KIF11: variants seen among roughly 807,000 people sequenced by gnomAD.
KIF11 encodes the protein kinesin family member 11.
A neutral mutation model predicts 121.0 loss-of-function variants in KIF11; 9 were observed. The observed-to-expected ratio is 0.07, with a 90% CI of 0.04 to 0.13. The LOEUF is 0.13. Among genes scored for constraint, KIF11 ranks in the 10% least tolerant of loss-of-function variants. The pLI, the probability that KIF11 is intolerant of heterozygous loss-of-function variation, is 1.00. For synonymous variants in KIF11, 408 were observed against 421.0 expected (o/e 0.97, Z 0.38); for missense variants, 846 against 1,217.5 (o/e 0.69, Z 4.54).
chr10:92,646,133 T>C (rs891470341), intron 18 of KIF11, among the ~76,000 whole-genome samples: 6 of 152,038 alleles, frequency 3.9e-5, no homozygotes, highest in African/African-American at 1.4e-4. Context: ...TTTGTATTTT[T>C]AGTAGAGATG....
intron 18 of KIF11, among the ~76,000 whole-genome samples, chr10:92,647,766 G>T (rs1485785058): frequency 2.6e-5 from 4 of 152,116 alleles, no homozygotes; most frequent in African/African-American, 9.7e-5. Flanking sequence ...GCTGGGTAAT[G>T]AATACAAGGG....
chr10:92,652,346 G>C (rs544036257), intron 21 of KIF11, among the ~76,000 whole-genome samples: 4 of 152,158 alleles, frequency 2.6e-5, no homozygotes, highest in Non-Finnish European at 4.4e-5. Context: ...CTCCATGTTG[G>C]TCAGGCTAAT....
chr10:92,644,396 A>G (rs1470130678), intron 17 of KIF11, among the ~76,000 whole-genome samples: 1 of 151,950 alleles, frequency 6.6e-6, no homozygotes, highest in East Asian at 1.9e-4. Context: ...GCTCACTGCA[A>G]CCTCTGCCTC....
At chr10:92,640,556 C>T (rs938463356) in intron 17 of KIF11, among the ~76,000 whole-genome samples, 14 of 152,260 alleles carry the variant, frequency 9.2e-5, no homozygotes, top group African/African-American at 2.6e-4. Context: ...CTCAGCCTCC[C>T]GAGTAGCTGG....
At chr10:92,640,663 C>T (rs1844855316) in intron 17 of KIF11, among the ~76,000 whole-genome samples, 1 of 152,064 alleles carries the variant, frequency 6.6e-6, no homozygotes, top group Admixed American at 6.6e-5. Context: ...ATCTCCTGAC[C>T]TCGTGATCCG....
intron 8 of KIF11, among the ~76,000 whole-genome samples, chr10:92,615,932 C>T (rs115476639): frequency 0.035 from 5,260 of 151,030 alleles, 346 homozygotes; most frequent in African/African-American, 0.12. Flanking sequence ...CTTCGCCACC[C>T]GGGTTCAAGT....
At chr10:92,647,206 A>G (rs75397379) in intron 18 of KIF11, among the ~76,000 whole-genome samples, 5,154 of 152,290 alleles carry the variant, frequency 0.034, 137 homozygotes, top group Admixed American at 0.06. Flanking sequence ...CAGTTGACCA[A>G]ATCCAGAATT....
At position 92,637,032 on chromosome 10, in the gene KIF11, C is replaced by CAA. The variant is rs66987236; in HGVS notation, c.1876-132_1876-131dup. On this transcript the variant is annotated intron_variant, in intron 14 of 21. Transcript: ENST00000260731. ...TGGGTGACAGAATGAGACTCCGTCTCAAAAAAAAAAAAAAAAAAAAAGAAT... is the reference window on the plus strand; with the variant it reads ...TGGGTGACAGAATGAGACTCCGTCTCAAAAAAAAAAAAAAAAAAAAAAAGAAT... 2,209 of 373,324 alleles carry CAA rather than the reference C, an allele frequency of 5.9e-3. 17 individuals carry two copies. Among genetic ancestry groups the CAA allele is most frequent in the African/African-American group, 0.019 (569 of 30,710 alleles). 23.1% of individuals were successfully genotyped at this position (373,324 alleles called of 1,614,324 possible).
intron 19 of KIF11, among the ~76,000 whole-genome samples, 186 bp from the exon 20 acceptor site, chr10:92,649,649 G>A (rs1175455959): frequency 7.9e-5 from 12 of 152,102 alleles, no homozygotes; most frequent in Non-Finnish European, 1.3e-4. Context: ...AGTAAAGTCT[G>A]TCATCAAATT....
At chr10:92,616,048 A>C (rs925754238) in intron 8 of KIF11, among the ~76,000 whole-genome samples, 1 of 151,988 alleles carries the variant, frequency 6.6e-6, no homozygotes, top group Non-Finnish European at 1.5e-5. Flanking sequence ...CATGTTGGCC[A>C]GGCTGGTCTC....
At chr10:92,621,526 G>A in intron 10 of KIF11, 53 bp downstream of exon 10, 1 of 1,089,428 alleles carries the variant, frequency 9.2e-7, no homozygotes, top group Middle Eastern at 2.0e-4. Context: ...TCTGATAACA[G>A]GCTATTTGAA....
At position 92,637,387 on chromosome 10, in the gene KIF11, A is replaced by T; in HGVS notation, c.2002A>T (p.Ile668Leu). Reference protein sequence around the residue: ...FKTSLTVADKIEDQKKELDGF... With the variant: ...FKTSLTVADKLEDQKKELDGF... Reference sequence around the variant, plus strand: ...GAAACTCATTTTTGTTTCTTCAAAGATAGAAGATCAAAAAAAGGAACTAGA... The same window carrying T: ...GAAACTCATTTTTGTTTCTTCAAAGTTAGAAGATCAAAAAAAGGAACTAGA... Residue 668 changes from isoleucine to leucine, a missense_variant and splice_region_variant, in exon 16 of 22, where the codon ATA (isoleucine) becomes TTA (leucine). Around this residue, in one of 5 missense-constraint regions of KIF11, gnomAD observed 492 missense variants for 603.4 expected, o/e 0.82. Transcript: ENST00000260731. 6.3e-7 allele frequency: 1 copy of T among 1,579,408 alleles called. No individual in the cohort carries two copies. Among genetic ancestry groups the T allele is most frequent in the Non-Finnish European group, 8.5e-7 (1 of 1,171,760 alleles).
rs750616800 is a variant in KIF11, at chr10:92,613,657, G to A, written c.1032+38G>A. Reference sequence around the variant, plus strand: ...AAAGGAAGCTGCAAGTGTAGTAGCTGTAATTCTTATTTGGCTATTATATAT... The same window carrying A: ...AAAGGAAGCTGCAAGTGTAGTAGCTATAATTCTTATTTGGCTATTATATAT... On this transcript the variant is annotated intron_variant, in intron 8 of 21. Transcript: ENST00000260731. The surrounding 1 kb of genome is among the most constrained non-coding windows in gnomAD (Gnocchi z 4.2). 1.3e-6 allele frequency: 2 copies of A among 1,560,820 alleles called. No homozygotes were observed. Among genetic ancestry groups the A allele is most frequent in the Non-Finnish European group, 1.7e-6 (2 of 1,152,906 alleles).
chr10:92,605,777 C>T (rs1412920876), intron 1 of KIF11, among the ~76,000 whole-genome samples: 3 of 152,112 alleles, frequency 2.0e-5, no homozygotes, highest in Admixed American at 6.6e-5. Flanking sequence ...TGAGCCACTG[C>T]GCCCAGCCTT....
chr10:92,624,818 G>A (rs1844655231), intron 10 of KIF11, among the ~76,000 whole-genome samples: 1 of 150,294 alleles, frequency 6.7e-6, no homozygotes, highest in Admixed American at 6.6e-5. Flanking sequence ...TGTCCAGGGT[G>A]GACTGCAGTG....
chr10:92,634,037 G>A (rs1037592607), intron 14 of KIF11, among the ~76,000 whole-genome samples: 2 of 152,142 alleles, frequency 1.3e-5, no homozygotes, highest in African/African-American at 4.8e-5. Context: ...GTCCAGGAGT[G>A]CAGTGGCGTG....
intron 18 of KIF11, 104 bp from the exon 19 acceptor site, chr10:92,648,108 C>CAAAAAAAAAAA (rs34357393): frequency 7.1e-5 from 49 of 685,352 alleles, no homozygotes; most frequent in African/African-American, 3.7e-4. Flanking sequence ...GACTTGTCTC[C>CAAAAAAAAAAA]AAAAAAAAAA....
rs776130976 is a variant in KIF11 at position 92,649,853 on chromosome 10, A to G, written c.2789A>G (p.Lys930Arg). ...GTTAAAGGTACGACACCACAGAGGA[A>G]AAGTTATTTATACCCATCAACACTG... ...DIPTGTTPQR[K>R]SYLYPSTLVR... The change falls in exon 20 of 22, where the codon AAA becomes AGA. Residue 930 changes from lysine (K) to arginine (R), a missense_variant. Lys to Arg is a conservative substitution (Grantham distance 26). This residue lies in a region of KIF11 where 492 missense variants were observed against 603.4 expected (regional missense o/e 0.82). Coordinates refer to ENST00000260731, the MANE Select transcript of KIF11 (RefSeq NM_004523.4). 9 of 1,609,538 alleles carry G rather than the reference A, an allele frequency of 5.6e-6. No homozygotes were observed. Among genetic ancestry groups the G allele is most frequent in the Non-Finnish European group, 2.5e-6 (3 of 1,176,812 alleles).
At position 92,628,791 on chromosome 10, in the gene KIF11, AT is replaced by A; in HGVS notation, c.1218-15del. The A allele has an allele frequency of 1.4e-6, 2 of 1,387,030 alleles. No individual in the cohort carries two copies. The allele number at this position is 1,387,030 out of a possible 1,614,324, so 85.9% of individuals were successfully genotyped here. On this transcript the variant is annotated splice_polypyrimidine_tract_variant and intron_variant, in intron 10 of 21. Transcript: ENST00000260731. ...AAAAAATATTAACTGTTAAACTCAT[AT>A]TAAACTTTATTTTAGAGTCATGAGT...
Sources: gnomAD v4.1 joint callset for allele counts (sites outside exome capture counted in the v4.1 genomes callset) on GRCh38, gnomAD v4.1.1 for gene constraint, gnomAD v4.1.1 regional missense constraint, Gnocchi (gnomAD v3.1) non-coding constraint, MANE v1.5 for transcripts, NCBI Gene and HGNC (gene_info 2026-07-23, HGNC 2026-07-21) for gene names.